DLG2: variants seen among roughly 807,000 people sequenced by gnomAD.
The protein encoded by DLG2 is discs large MAGUK scaffold protein 2.
In DLG2, 45 loss-of-function variants were observed where a neutral mutation model predicts 132.5. The ratio of observed to expected loss-of-function variants is 0.34; its 90% confidence interval spans 0.27 to 0.44. The LOEUF (loss-of-function observed/expected upper bound fraction) is 0.44, where lower values mean the gene tolerates loss of function less well. DLG2 is among the 20% of genes least tolerant of loss of function. The pLI is 1.00. For synonymous variants in DLG2, 424 were observed against 419.6 expected (o/e 1.01, Z -0.13); for missense variants, 1,045 against 1,196.9 (o/e 0.87, Z 1.87).
intron 7 of DLG2, among the ~76,000 whole-genome samples, chr11:84,385,141 C>T (rs571635625): frequency 6.6e-6 from 1 of 152,092 alleles, no homozygotes; most frequent in South Asian, 2.1e-4. Context: ...TAACATTTAC[C>T]CTTCCACACT....
At chr11:83,567,998 G>A (rs774582086) in intron 19 of DLG2, among the ~76,000 whole-genome samples, 16 of 152,270 alleles carry the variant, frequency 1.1e-4, no homozygotes, top group South Asian at 2.1e-4. Context: ...TAAATAAGGC[G>A]TATGATCTTA....
intron 21 of DLG2, among the ~76,000 whole-genome samples, chr11:83,499,897 AT>A (rs1276549547): frequency 1.5e-4 from 17 of 113,994 alleles, no homozygotes; most frequent in South Asian, 1.4e-3. Flanking sequence ...ATATATATAT[AT>A]CAGTTCTGTC....
intron 18 of DLG2, among the ~76,000 whole-genome samples, chr11:83,668,339 A>C (rs1173367025): frequency 6.6e-6 from 1 of 152,234 alleles, no homozygotes; most frequent in Non-Finnish European, 1.5e-5. Context: ...CTGCAAAGAC[A>C]ACACATTTTA....
intron 6 of DLG2, among the ~76,000 whole-genome samples, chr11:85,104,897 AAAACAGAG>A (rs2071472639): frequency 7.1e-6 from 1 of 140,842 alleles, no homozygotes; most frequent in African/African-American, 2.7e-5. Flanking sequence ...AAAAAAAAAA[AAAACAGAG>A]AGAGAAAGGA....
At chr11:84,777,305 A>ATATATATATATATTTT (rs2070800931) in intron 6 of DLG2, among the ~76,000 whole-genome samples, 1 of 133,514 alleles carries the variant, frequency 7.5e-6, no homozygotes, top group African/African-American at 2.7e-5. Flanking sequence ...ATATATATAT[A>ATATATATATATATTTT]TATATATATA....
rs146631997 is a variant in DLG2 at position 85,236,875 on chromosome 11, G to C, written c.186+48345C>G. Among the ~76,000 whole-genome samples, 493 of 152,122 alleles carry C rather than the reference G, an allele frequency of 3.2e-3. 4 individuals are homozygous for C. Among genetic ancestry groups the C allele is most frequent in the African/African-American group, 0.011 (470 of 41,528 alleles). ...GTCCAGGTATCCAACAATTTCATCT[G>C]TAAGAATATATGTTCATGATGACAC... is the stretch of plus-strand genomic sequence containing the variant. On this transcript the variant is annotated intron_variant, in intron 4 of 27. Coordinates refer to ENST00000376104, the MANE Select transcript of DLG2 (RefSeq NM_001142699.3).
rs141874737 is a variant in DLG2 at position 85,202,787 on chromosome 11, A to G, written c.187-48136T>C. On this transcript the variant is annotated intron_variant, in intron 4 of 27. Transcript: ENST00000376104. Reference sequence around the variant, plus strand: ...TACATGGAAATTAAACAACATGCTCATGAACAACCAATGAGTCAATGAAAA... The same window carrying G: ...TACATGGAAATTAAACAACATGCTCGTGAACAACCAATGAGTCAATGAAAA... 1.2e-4 allele frequency among the ~76,000 whole-genome samples: 18 copies of G among 152,162 alleles called. 1 individual carries two copies. In the Middle Eastern group the frequency reaches 0.017, roughly 144 times the overall value.
At chr11:84,384,395 A>G (rs1380636974) in intron 7 of DLG2, among the ~76,000 whole-genome samples, 1 of 152,076 alleles carries the variant, frequency 6.6e-6, no homozygotes, top group Non-Finnish European at 1.5e-5. Context: ...TCCAAGCAAC[A>G]TTAGTTAAAT....
chr11:83,622,360 G>C (rs1254474308), intron 19 of DLG2, among the ~76,000 whole-genome samples: 1 of 152,184 alleles, frequency 6.6e-6, no homozygotes, highest in Non-Finnish European at 1.5e-5. Flanking sequence ...GGAATTCATA[G>C]GCATAGAGCT....
At chr11:85,523,568 G>C (rs1391628064) in intron 3 of DLG2, among the ~76,000 whole-genome samples, 1 of 152,092 alleles carries the variant, frequency 6.6e-6, no homozygotes, top group Non-Finnish European at 1.5e-5. Context: ...TTATCCAAAA[G>C]ACAGGCAATA....
chr11:85,057,368 C>A (rs2063561803), intron 6 of DLG2, among the ~76,000 whole-genome samples: 1 of 151,524 alleles, frequency 6.6e-6, no homozygotes, highest in African/African-American at 2.4e-5. Flanking sequence ...AACATCACTT[C>A]AGATCTTACC....
chr11:83,575,663 A>T (rs370223088), intron 19 of DLG2, among the ~76,000 whole-genome samples: 1 of 152,338 alleles, frequency 6.6e-6, no homozygotes, highest in East Asian at 1.9e-4. Context: ...TTCACAATTC[A>T]TGGGGCATTA....
At chr11:83,882,008 T>G (rs2066400806) in intron 15 of DLG2, among the ~76,000 whole-genome samples, 1 of 152,176 alleles carries the variant, frequency 6.6e-6, no homozygotes. Context: ...ATTTTTCACT[T>G]AGTTCACTTT....
chr11:84,772,705 A>G (rs375785666), intron 6 of DLG2, among the ~76,000 whole-genome samples: 10 of 152,338 alleles, frequency 6.6e-5, no homozygotes, highest in African/African-American at 2.4e-4. Context: ...TTTTGGTTGA[A>G]TAATGAAATT....
intron 6 of DLG2, among the ~76,000 whole-genome samples, chr11:85,072,233 C>A (rs1197194171): frequency 6.6e-6 from 1 of 151,808 alleles, no homozygotes; most frequent in Non-Finnish European, 1.5e-5. Context: ...TGGCATATAG[C>A]AGTCACTCGT....
chr11:85,178,424 TATAA>T (rs1302349370), intron 4 of DLG2, among the ~76,000 whole-genome samples: 3 of 151,980 alleles, frequency 2.0e-5, no homozygotes, highest in African/African-American at 7.2e-5. Flanking sequence ...TTAGATTATT[TATAA>T]ATAAATAGTT....
At chr11:84,547,945 T>C (rs773780239) in intron 6 of DLG2, among the ~76,000 whole-genome samples, 1 of 152,238 alleles carries the variant, frequency 6.6e-6, no homozygotes, top group Non-Finnish European at 1.5e-5. Flanking sequence ...CCTGTCACTA[T>C]TCTACAGTAG....
chr11:84,707,843 A>G (rs1033985842), intron 6 of DLG2, among the ~76,000 whole-genome samples: 1 of 151,868 alleles, frequency 6.6e-6, no homozygotes. Flanking sequence ...TGGGGCAAGC[A>G]CCAGCTTCTC....
chr11:84,923,665 CCT>C, intron 6 of DLG2: 1 of 860,306 alleles, frequency 1.2e-6, no homozygotes, highest in Non-Finnish European at 1.4e-6. Flanking sequence ...GGTGCAGCAC[CCT>C]GTTTGGCAAA....
Sources: gnomAD v4.1 joint callset for allele counts (sites outside exome capture counted in the v4.1 genomes callset) on GRCh38, gnomAD v4.1.1 for gene constraint, MANE v1.5 for transcripts, NCBI Gene and HGNC (gene_info 2026-07-23, HGNC 2026-07-21) for gene names.